MAPK9: variants seen among roughly 807,000 people sequenced by gnomAD.
The protein encoded by MAPK9 is mitogen-activated protein kinase 9, also known as Jun kinase.
Under a neutral mutation model 57.1 loss-of-function variants are expected in MAPK9, and 30 were observed. The ratio of observed to expected loss-of-function variants is 0.53; its 90% CI spans 0.39 to 0.71. The LOEUF (loss-of-function observed/expected upper bound fraction) is 0.71, where lower values mean the gene tolerates loss of function less well. Ranked by LOEUF, MAPK9 falls within the 30% of genes least tolerant of loss-of-function variation. MAPK9 has a pLI of 0.00. For synonymous variants in MAPK9, 155 were observed against 177.0 expected (o/e 0.88, Z 0.99); for missense variants, 362 against 521.0 (o/e 0.69, Z 2.97).
intron 7 of MAPK9, among the ~76,000 whole-genome samples, chr5:180,245,631 C>T (rs1758025740): frequency 6.6e-6 from 1 of 152,152 alleles, no homozygotes; most frequent in African/African-American, 2.4e-5. Context: ...ACCCTGTTGT[C>T]TAACTCTCGT....
At chr5:180,279,150 G>A (rs940103420) in intron 2 of MAPK9, among the ~76,000 whole-genome samples, 1 of 152,010 alleles carries the variant, frequency 6.6e-6, no homozygotes, top group African/African-American at 2.4e-5. Flanking sequence ...CAAAGACGGG[G>A]TTTCACCATG....
chr5:180,254,188 A>C (rs1403193141), intron 5 of MAPK9, among the ~76,000 whole-genome samples: 1 of 152,128 alleles, frequency 6.6e-6, no homozygotes, highest in Non-Finnish European at 1.5e-5. Context: ...GCTGGTGTCG[A>C]ACTCTTGACC....
chr5:180,285,754 A>T (rs6872544), intron 1 of MAPK9, among the ~76,000 whole-genome samples: 101,451 of 151,448 alleles, frequency 0.67, 34,648 homozygotes, highest in African/African-American at 0.82. Context: ...TGAGGCTTCA[A>T]CTCTATATTA....
chr5:180,233,577 A>G lies in MAPK9; in HGVS notation c.*2807T>C, dbSNP rs1365358951. On this transcript the variant is annotated 3_prime_UTR_variant, in exon 12 of 12. Coordinates refer to ENST00000452135, the MANE Select transcript of MAPK9 (RefSeq NM_002752.5). ...AATTGCCATGTAAAAACACACAAAA[A>G]TTGGACATGCTATACATTTATCTTT... The G allele has an allele frequency of 6.6e-6, 1 of 152,204 alleles. No individual in the cohort carries two copies. The highest frequency in any genetic ancestry group is 1.5e-5 in the Non-Finnish European group (1 of 68,040). The allele number at this position is 152,204 out of a possible 1,614,324, so 9.4% of individuals were successfully genotyped here.
chr5:180,288,165 C>G (rs1247851439), intron 1 of MAPK9, among the ~76,000 whole-genome samples: 1 of 152,200 alleles, frequency 6.6e-6, no homozygotes, highest in Non-Finnish European at 1.5e-5. Context: ...GAAGCCTCGT[C>G]TAGATCCAAT....
chr5:180,249,007 G>C lies in MAPK9; in HGVS notation c.582C>G (p.Pro194=). The change falls in exon 6 of 12, where the codon CCC becomes CCG. Residue 194 remains proline (P), a synonymous_variant. Coordinates refer to ENST00000452135, the MANE Select transcript of MAPK9 (RefSeq NM_002752.5). The part of the protein sequence containing the change: ...PYVVTRYYRA[P]EVILGMGYKE... ...TGTAGCCCATACCCAGGATGACTTC[G>C]GGCGCCCGGTAGTACCGTGTCACCA... 1 of 1,613,298 alleles carries C rather than the reference G, an allele frequency of 6.2e-7. No individual in the cohort carries two copies. Among genetic ancestry groups the C allele is most frequent in the Non-Finnish European group, 8.5e-7 (1 of 1,179,542 alleles).
intron 7 of MAPK9, among the ~76,000 whole-genome samples, chr5:180,245,642 G>A (rs1316263548): frequency 6.6e-6 from 1 of 152,162 alleles, no homozygotes; most frequent in African/African-American, 2.4e-5. Flanking sequence ...TAACTCTCGT[G>A]AAGCTGCAGG....
chr5:180,247,627 A>G lies in MAPK9; in HGVS notation c.617-117T>C, dbSNP rs1034352229. On this transcript the variant is annotated intron_variant, in intron 6 of 11. Transcript: ENST00000452135. This position sits in a 1 kb window ranked among gnomAD's most constrained non-coding sequence, Gnocchi z 4.5. The stretch of plus-strand genomic sequence containing the variant: ...ATATGGAAAAATAAATTGCTAGCTA[A>G]GGGTGACATTTTACACAATATGAAT... 1.6e-5 allele frequency: 16 copies of G among 1,012,318 alleles called. No homozygotes were observed. Among genetic ancestry groups the G allele is most frequent in the Middle Eastern group, 4.4e-4 (2 of 4,530 alleles). The allele number at this position is 1,012,318 out of a possible 1,614,324, so 62.7% of individuals were successfully genotyped here.
rs1268104423 is a variant in MAPK9, at chr5:180,234,605, G to A, written c.*1779C>T. 1 of 152,326 alleles carries A rather than the reference G, an allele frequency of 6.6e-6. No individual in the cohort carries two copies. Among genetic ancestry groups the A allele is most frequent in the Admixed American group, 6.5e-5 (1 of 15,304 alleles). The allele number at this position is 152,326 out of a possible 1,614,324, so 9.4% of individuals were successfully genotyped here. A position where few individuals can be genotyped will look rare whatever the true frequency, so the allele number is the denominator to read the frequency against. Reference sequence around the variant, plus strand: ...CCTTTTGTTTTTCCTTTTAAAGATAGATTTAGTGAAGTCTTTTAAAAGAAA... The same window carrying A: ...CCTTTTGTTTTTCCTTTTAAAGATAAATTTAGTGAAGTCTTTTAAAAGAAA... On this transcript the variant is annotated 3_prime_UTR_variant, in exon 12 of 12. Transcript: ENST00000452135.
At chr5:180,259,646 A>C (rs1759708461) in intron 5 of MAPK9, among the ~76,000 whole-genome samples, 1 of 152,212 alleles carries the variant, frequency 6.6e-6, no homozygotes, top group South Asian at 2.1e-4. Flanking sequence ...AATGTGGTCA[A>C]GTCTCCAGAC....
At chr5:180,257,863 T>A in intron 5 of MAPK9, 1 of 183,124 alleles carries the variant, frequency 5.5e-6, no homozygotes, top group Non-Finnish European at 1.2e-5. Context: ...TTCATGTGAA[T>A]GCAGAGTGTG....
intron 11 of MAPK9, 37 bp downstream of exon 11, chr5:180,238,295 G>A: frequency 6.5e-7 from 1 of 1,540,146 alleles, no homozygotes; most frequent in Non-Finnish European, 8.9e-7. Context: ...AATAGGGAAA[G>A]AAAAATATCA....
chr5:180,268,865 C>T (rs1405880451), intron 3 of MAPK9, among the ~76,000 whole-genome samples: 1 of 151,220 alleles, frequency 6.6e-6, no homozygotes, highest in Admixed American at 6.6e-5. Flanking sequence ...ATAGGCCGGG[C>T]ATGGTGGCTC....
chr5:180,239,211 C>T (rs915073044), intron 10 of MAPK9, among the ~76,000 whole-genome samples: 4 of 152,218 alleles, frequency 2.6e-5, no homozygotes, highest in African/African-American at 9.7e-5. Flanking sequence ...AACTAATTAC[C>T]TACGAAGTAA....
intron 1 of MAPK9, among the ~76,000 whole-genome samples, chr5:180,281,770 G>A (rs967533502): frequency 6.6e-6 from 1 of 152,194 alleles, no homozygotes; most frequent in African/African-American, 2.4e-5. Flanking sequence ...ATTTCTCCAA[G>A]TGACCACTGC....
intron 5 of MAPK9, among the ~76,000 whole-genome samples, chr5:180,251,333 G>A (rs573474732): frequency 1.1e-4 from 16 of 152,320 alleles, no homozygotes; most frequent in African/African-American, 3.8e-4. Context: ...GTTCTACCAA[G>A]GACAGACGCA....
In MAPK9 at chr5:180,236,210, C is replaced by T. The variant is rs946756256; in HGVS notation, c.*174G>A. ...AATTTTTTTCTTCAGACATATTCTG[C>T]CTCATTTTATCATCTAAGCAGGCAA... On this transcript the variant is annotated 3_prime_UTR_variant, in exon 12 of 12. Coordinates refer to ENST00000452135, the MANE Select transcript of MAPK9 (RefSeq NM_002752.5). 7.2e-5 allele frequency: 43 copies of T among 597,538 alleles called. No homozygotes were observed. Among genetic ancestry groups the T allele is most frequent in the Admixed American group, 1.6e-4 (4 of 25,342 alleles). 37.0% of individuals were successfully genotyped at this position (597,538 alleles called of 1,614,324 possible). A position where few individuals can be genotyped will look rare whatever the true frequency, so the allele number is the denominator to read the frequency against.
intron 2 of MAPK9, among the ~76,000 whole-genome samples, chr5:180,272,438 A>T (rs1761422661): frequency 6.6e-6 from 1 of 152,092 alleles, no homozygotes; most frequent in South Asian, 2.1e-4. Flanking sequence ...TTTGTTTCCC[A>T]GCTCAATGAT....
At chr5:180,266,143 AG>A (rs1448249682) in intron 3 of MAPK9, among the ~76,000 whole-genome samples, 1 of 152,146 alleles carries the variant, frequency 6.6e-6, no homozygotes, top group African/African-American at 2.4e-5. Context: ...GCAGTCCAAA[AG>A]AAAAATGGAT....
Sources: allele counts gnomAD v4.1 joint callset (sites outside exome capture counted in the v4.1 genomes callset), GRCh38; gene constraint gnomAD v4.1.1; non-coding constraint Gnocchi (gnomAD v3.1); transcripts MANE v1.5; gene names NCBI Gene and HGNC (gene_info 2026-07-23, HGNC 2026-07-21).